CLIC5: variants seen among roughly 807,000 people sequenced by gnomAD.
The protein encoded by CLIC5 is CLIC family member 5, also known as chloride intracellular channel protein 5.
In CLIC5, 20 loss-of-function variants were observed where a neutral mutation model predicts 24.7. That is an observed-to-expected ratio of 0.81 (90% CI 0.57 to 1.18). The LOEUF is 1.18. Among genes scored for constraint, CLIC5 ranks in the 50% most tolerant of loss-of-function variants. The pLI, the probability that CLIC5 is intolerant of heterozygous loss-of-function variation, is 0.00. For synonymous variants in CLIC5, 159 were observed against 135.6 expected (o/e 1.17, Z -1.20); for missense variants, 341 against 326.1 (o/e 1.05, Z -0.35).
At chr6:46,111,391 A>G in the CLIC5 span, among the ~76,000 whole-genome samples, 2 of 152,214 alleles carry the variant, frequency 1.3e-5, no homozygotes, top group Non-Finnish European at 2.9e-5. Flanking sequence ...ACCAGTGTGT[A>G]GACTGCTTCA....
chr6:46,093,028 G>A, the CLIC5 span, among the ~76,000 whole-genome samples: 2 of 152,008 alleles, frequency 1.3e-5, no homozygotes, highest in Non-Finnish European at 2.9e-5. Flanking sequence ...CCTTTTATCA[G>A]ACTAAGCTTT....
chr6:45,882,825 A>G (rs141984355), intron 6 of CLIC5, among the ~76,000 whole-genome samples: 275 of 152,348 alleles, frequency 1.8e-3, no homozygotes, highest in African/African-American at 6.3e-3. Context: ...TCATTCATTC[A>G]TGTACTGTTC....
At chr6:46,028,088 C>A (rs958758914) in intron 1 of CLIC5, among the ~76,000 whole-genome samples, 3 of 152,204 alleles carry the variant, frequency 2.0e-5, no homozygotes, top group Non-Finnish European at 2.9e-5. Flanking sequence ...AGACTTAATG[C>A]CCTTCATGAA....
exon 1 of CLIC5, chr6:46,079,793 A>G (rs1328049627): frequency 4.5e-6 from 7 of 1,551,494 alleles, no homozygotes; most frequent in Non-Finnish European, 6.1e-6. Context: ...ACTTGGTGGT[A>G]GAGAAGGCCT....
chr6:45,890,700 A>G (rs1762340668), intron 6 of CLIC5, among the ~76,000 whole-genome samples: 1 of 152,248 alleles, frequency 6.6e-6, no homozygotes, highest in African/African-American at 2.4e-5. Flanking sequence ...TAAAAGATGT[A>G]GTATATAATC....
At chr6:45,919,745 T>A (rs1471013812) in intron 4 of CLIC5, among the ~76,000 whole-genome samples, 6 of 152,182 alleles carry the variant, frequency 3.9e-5, no homozygotes, top group Admixed American at 2.6e-4. Flanking sequence ...TCTACTGTCT[T>A]GTTGAAAATG....
intron 6 of CLIC5, among the ~76,000 whole-genome samples, chr6:45,884,159 T>C (rs763415794): frequency 6.6e-6 from 1 of 152,200 alleles, no homozygotes; most frequent in Non-Finnish European, 1.5e-5. Context: ...CTCTTCAACA[T>C]GTTGGCTTCC....
At chr6:46,108,769 T>C in the CLIC5 span, among the ~76,000 whole-genome samples, 1 of 152,170 alleles carries the variant, frequency 6.6e-6, no homozygotes, top group Admixed American at 6.5e-5. Context: ...TTTGAAAGCT[T>C]TGAATTATCA....
intron 1 of CLIC5, among the ~76,000 whole-genome samples, chr6:45,981,799 A>G (rs948528858): frequency 3.9e-5 from 6 of 152,154 alleles, no homozygotes; most frequent in African/African-American, 7.2e-5. Flanking sequence ...GAGGATCAAG[A>G]TCAGCATGGC....
chr6:45,919,422 A>C (rs1763162591), intron 4 of CLIC5, among the ~76,000 whole-genome samples: 1 of 152,108 alleles, frequency 6.6e-6, no homozygotes, highest in African/African-American at 2.4e-5. Context: ...CTCCCTCCAC[A>C]ATCTGGAAGG....
At chr6:46,027,622 A>T (rs1767371143) in intron 1 of CLIC5, among the ~76,000 whole-genome samples, 1 of 152,246 alleles carries the variant, frequency 6.6e-6, no homozygotes, top group South Asian at 2.1e-4. Flanking sequence ...ACTTACTTAG[A>T]AGAAACGATT....
chr6:45,903,133 G>T lies in CLIC5; in HGVS notation c.711C>A (p.Ile237=). 1 of 1,614,200 alleles carries T rather than the reference G, an allele frequency of 6.2e-7. No individual in the cohort carries two copies. Among genetic ancestry groups the T allele is most frequent in the Non-Finnish European group, 8.5e-7 (1 of 1,180,028 alleles). Residue 237 remains isoleucine (I), a synonymous_variant, in exon 6 of 6, where the codon ATC becomes ATA. Transcript: ENST00000339561. ...TGGCGACATCAGCGTAGGCCAACTC[G>T]ATCTCACTGTCAGCTGCACAGGTGT... ...FTNTCAADSE[I]ELAYADVAKR... is the part of the protein sequence containing the mutation.
chr6:46,008,205 C>A (rs1766660966), intron 1 of CLIC5, among the ~76,000 whole-genome samples: 1 of 152,154 alleles, frequency 6.6e-6, no homozygotes, highest in African/African-American at 2.4e-5. Context: ...CTGTTGTTGG[C>A]TTTTTTGCTG....
chr6:46,025,574 G>C (rs1767306806), intron 1 of CLIC5, among the ~76,000 whole-genome samples: 1 of 152,150 alleles, frequency 6.6e-6, no homozygotes. Flanking sequence ...TAAGTGAATA[G>C]TAAACCAAAG....
chr6:45,971,479 C>A (rs1175865420), intron 1 of CLIC5, among the ~76,000 whole-genome samples: 1 of 152,144 alleles, frequency 6.6e-6, no homozygotes, highest in Non-Finnish European at 1.5e-5. Context: ...CCTTTACGTA[C>A]AAGACCCACC....
intron 6 of CLIC5, among the ~76,000 whole-genome samples, chr6:45,889,839 A>G (rs2127282945): frequency 6.6e-6 from 1 of 152,318 alleles, no homozygotes; most frequent in African/African-American, 2.4e-5. Context: ...ATCTGCAAGG[A>G]TGTTTGCTGC....
the CLIC5 span, among the ~76,000 whole-genome samples, chr6:46,090,069 TTAC>T: frequency 6.6e-6 from 1 of 152,280 alleles, no homozygotes; most frequent in East Asian, 1.9e-4. Flanking sequence ...TTTGCTTCCA[TTAC>T]TTAAAAACGA....
At chr6:46,033,966 T>C (rs1029861434) in intron 1 of CLIC5, among the ~76,000 whole-genome samples, 1 of 152,192 alleles carries the variant, frequency 6.6e-6, no homozygotes, top group Admixed American at 6.5e-5. Context: ...CAATGGTGGC[T>C]TAGAATAAGA....
At position 45,981,280 on chromosome 6, in the gene CLIC5, C is replaced by G. The variant is rs541784249; in HGVS notation, c.64-26036G>C. Among the ~76,000 whole-genome samples, 10 of 151,886 alleles carry G rather than the reference C, an allele frequency of 6.6e-5. No homozygotes were observed. The East Asian group carries it at 1.4e-3, about 21-fold the overall frequency. ...CACCGCACCTGGCCTCATTTTCTGT[C>G]TTATTGCTATTTCATTTTACACGTG... On this transcript the variant is annotated intron_variant, in intron 1 of 5. Transcript: ENST00000339561.
Sources: gnomAD v4.1 joint callset for allele counts (sites outside exome capture counted in the v4.1 genomes callset) on GRCh38, gnomAD v4.1.1 for gene constraint, MANE v1.5 for transcripts, NCBI Gene and HGNC (gene_info 2026-07-23, HGNC 2026-07-21) for gene names.